Variants in CRCP observed in about 807,000 individuals in gnomAD.
CRCP encodes CGRP receptor component, also known as DNA-directed RNA polymerase III subunit RPC9.
A neutral mutation model predicts 18.5 loss-of-function variants in CRCP; 18 were observed. That is an observed-to-expected ratio of 0.97 (90% CI 0.67 to 1.44). CRCP has a LOEUF of 1.44. Among genes scored for constraint, CRCP ranks in the 40% most tolerant of loss-of-function variants. The pLI is 0.00. For synonymous variants in CRCP, 53 were observed against 62.9 expected (o/e 0.84, Z 0.75); for missense variants, 130 against 176.4 (o/e 0.74, Z 1.49).
At chr7:66,145,298 C>T in intron 4 of CRCP, 145 bp from the exon 5 acceptor site, 1 of 766,746 alleles carries the variant, frequency 1.3e-6, no homozygotes. Flanking sequence ...TGTTCCCATT[C>T]TCTCGATTTA....
chr7:66,137,029 C>A (rs1215854234), intron 4 of CRCP, among the ~76,000 whole-genome samples: 1 of 151,420 alleles, frequency 6.6e-6, no homozygotes, highest in East Asian at 2.0e-4. Context: ...TGCAGTGAGC[C>A]GAGATTGCGC....
rs10607378 is a variant in CRCP at position 66,121,034 on chromosome 7, C to CATAATAATA, written c.8+6089_8+6097dup. ...GGAAATACCTACTAAGTAACTAATA[C>CATAATAATA]ATAATAATAATAATAATAATAATAA... On this transcript the variant is annotated intron_variant, in intron 1 of 5. Coordinates refer to ENST00000395326, the MANE Select transcript of CRCP (RefSeq NM_014478.5). Among the ~76,000 whole-genome samples, 238 of 145,392 alleles carry CATAATAATA rather than the reference C, an allele frequency of 1.6e-3. 1 individual carries two copies. The highest frequency in any genetic ancestry group is 5.0e-3 in the African/African-American group (198 of 39,578).
intron 5 of CRCP, among the ~76,000 whole-genome samples, chr7:66,146,956 G>A (rs1335373823): frequency 6.6e-6 from 1 of 152,212 alleles, no homozygotes; most frequent in Non-Finnish European, 1.5e-5. Flanking sequence ...CTTAATGACA[G>A]GCAGAGAGAA....
At chr7:66,137,876 A>C (rs954657110) in intron 4 of CRCP, among the ~76,000 whole-genome samples, 7 of 152,262 alleles carry the variant, frequency 4.6e-5, no homozygotes, top group African/African-American at 1.7e-4. Flanking sequence ...TATAACATAT[A>C]ATCTACATAC....
intron 1 of CRCP, among the ~76,000 whole-genome samples, chr7:66,127,090 CTA>C (rs1787637863): frequency 6.6e-6 from 1 of 152,234 alleles, no homozygotes; most frequent in Non-Finnish European, 1.5e-5. Context: ...GATTTCAAAA[CTA>C]TGTTCTTTGT....
In CRCP at chr7:66,153,824, G is replaced by A. The variant is rs528837290; in HGVS notation, c.*1467G>A. On this transcript the variant is annotated 3_prime_UTR_variant, in exon 6 of 6. Coordinates refer to ENST00000395326, the MANE Select transcript of CRCP (RefSeq NM_014478.5). ...ACCTGTAATCCCAGCACTTTGGGAGGCGGAGGCTAGCGGATCATGAGGTCA... is the reference window on the plus strand; with the variant it reads ...ACCTGTAATCCCAGCACTTTGGGAGACGGAGGCTAGCGGATCATGAGGTCA... 2.0e-5 allele frequency: 3 copies of A among 152,194 alleles called. No individual in the cohort carries two copies. Among genetic ancestry groups the A allele is most frequent in the African/African-American group, 7.2e-5 (3 of 41,516 alleles). 9.4% of individuals were successfully genotyped at this position (152,194 alleles called of 1,614,324 possible).
chr7:66,137,969 GA>G (rs1788018207), intron 4 of CRCP, among the ~76,000 whole-genome samples: 1 of 152,128 alleles, frequency 6.6e-6, no homozygotes, highest in Non-Finnish European at 1.5e-5. Context: ...GAACTTAAGA[GA>G]ACAAAAATAG....
intron 4 of CRCP, among the ~76,000 whole-genome samples, chr7:66,139,287 AATTTTTCATTTCAGGT>A (rs1436558106): frequency 6.6e-6 from 1 of 152,126 alleles, no homozygotes; most frequent in Non-Finnish European, 1.5e-5. Context: ...CCTACCAGTG[AATTTTTCATTTCAGGT>A]ATTTTTCAAT....
At position 66,114,931 on chromosome 7, in the gene CRCP, G is replaced by A. The variant is rs1375531220; in HGVS notation, c.-32G>A. The stretch of plus-strand genomic sequence containing the variant: ...CTGTGAAGTGTGAGGTTCTTTGTCT[G>A]CTGGCAGCTAGGGGCGACGAGGCGG... On this transcript the variant is annotated 5_prime_UTR_variant, in exon 1 of 6. Transcript: ENST00000395326. 3.7e-6 allele frequency: 6 copies of A among 1,611,666 alleles called. No individual in the cohort carries two copies. Among genetic ancestry groups the A allele is most frequent in the East Asian group, 2.2e-5 (1 of 44,792 alleles).
intron 2 of CRCP, among the ~76,000 whole-genome samples, chr7:66,130,427 A>G (rs970881224): frequency 6.6e-6 from 1 of 151,918 alleles, no homozygotes; most frequent in Admixed American, 6.6e-5. Context: ...TTAACAAAAT[A>G]TTTGCTTTAA....
At chr7:66,131,136 A>T (rs545306660) in intron 3 of CRCP, among the ~76,000 whole-genome samples, 6 of 151,910 alleles carry the variant, frequency 3.9e-5, no homozygotes, top group African/African-American at 1.4e-4. Context: ...CACCACGGCC[A>T]GCTGATTTTT....
chr7:66,147,808 C>T (rs2116041661), intron 5 of CRCP, among the ~76,000 whole-genome samples: 1 of 152,268 alleles, frequency 6.6e-6, no homozygotes, highest in African/African-American at 2.4e-5. Context: ...CCTGTGATCC[C>T]AGCACTTTGG....
intron 2 of CRCP, among the ~76,000 whole-genome samples, chr7:66,129,126 G>T (rs1787708480): frequency 6.6e-6 from 1 of 152,102 alleles, no homozygotes; most frequent in South Asian, 2.1e-4. Context: ...GAGGTCAGGA[G>T]ATCAAGAACA....
intron 4 of CRCP, among the ~76,000 whole-genome samples, chr7:66,135,163 C>T (rs868758125): frequency 6.6e-6 from 1 of 152,174 alleles, no homozygotes; most frequent in Admixed American, 6.5e-5. Context: ...TTGGTTCTTA[C>T]AGACGCAGTG....
At chr7:66,126,662 A>G in intron 1 of CRCP, 1 of 425,786 alleles carries the variant, frequency 2.3e-6, no homozygotes, top group South Asian at 1.7e-5. Context: ...AAGTACCAAG[A>G]ACTATTCTAA....
In CRCP at chr7:66,152,297, G is replaced by A. The variant is rs2292934; in HGVS notation, c.387G>A (p.Glu129=). The change falls in exon 6 of 6, where the codon GAG becomes GAA. Residue 129 remains glutamate (E), a synonymous_variant. Coordinates refer to ENST00000395326, the MANE Select transcript of CRCP (RefSeq NM_014478.5). ...TVTSILPAEP[E]AEQKKNTNSN... ...CCAGCATTCTGCCTGCAGAGCCAGAGGCTGAGCAGAAGAAGAATACAAACA... is the reference window on the plus strand; with the variant it reads ...CCAGCATTCTGCCTGCAGAGCCAGAAGCTGAGCAGAAGAAGAATACAAACA... The A allele has an allele frequency of 4.1e-3, 6,599 of 1,614,170 alleles. 364 individuals carry two copies. The East Asian group carries it at 0.12, about 29-fold the overall frequency.
chr7:66,129,693 A>G (rs937628512), intron 2 of CRCP, among the ~76,000 whole-genome samples: 1 of 151,838 alleles, frequency 6.6e-6, no homozygotes, highest in Non-Finnish European at 1.5e-5. Flanking sequence ...GTTTTTGGCC[A>G]AGCCTTTGGC....
rs770515570 is a variant in CRCP at position 66,152,641 on chromosome 7, A to G, written c.*284A>G. The stretch of plus-strand genomic sequence containing the variant: ...AGATTTCCTCCACGGCCTTTGCCCC[A>G]GTTGTGGGGAGGTCTCTGTGCACAG... On this transcript the variant is annotated 3_prime_UTR_variant, in exon 6 of 6. Coordinates refer to ENST00000395326, the MANE Select transcript of CRCP (RefSeq NM_014478.5). 58 of 375,104 alleles carry G rather than the reference A, an allele frequency of 1.5e-4. No homozygotes were observed. Among genetic ancestry groups the G allele is most frequent in the Non-Finnish European group, 2.7e-4 (54 of 199,364 alleles). The allele number at this position is 375,104 out of a possible 1,614,324, so 23.2% of individuals were successfully genotyped here.
At chr7:66,119,590 G>A (rs764154251) in intron 1 of CRCP, 3 of 152,240 alleles carry the variant, frequency 2.0e-5, no homozygotes, top group African/African-American at 2.4e-5. Flanking sequence ...AATTGGATTG[G>A]AGGGTACCCA....
Sources: allele counts gnomAD v4.1 joint callset (sites outside exome capture counted in the v4.1 genomes callset), GRCh38; gene constraint gnomAD v4.1.1; transcripts MANE v1.5; gene names NCBI Gene and HGNC (gene_info 2026-07-23, HGNC 2026-07-21).